The following CACNA2D4 variants were observed in gnomAD, a reference collection of about 807,000 sequenced individuals.
CACNA2D4 encodes the protein calcium voltage-gated channel auxiliary subunit alpha2delta 4, also known as voltage-dependent calcium channel subunit alpha-2/delta-4.
CACNA2D4 carries 157 observed loss-of-function variants against 163.8 expected under a neutral mutation model. The ratio of observed to expected loss-of-function variants is 0.96; its 90% CI spans 0.84 to 1.09. The LOEUF is 1.09. CACNA2D4 is among the 50% of genes least tolerant of loss of function. CACNA2D4 has a pLI of 0.00. For missense variants in CACNA2D4, 1,410 were observed against 1,479.9 expected, an observed-to-expected ratio of 0.95 and a Z score of 0.78; for synonymous variants, 598 against 586.9, an observed-to-expected ratio of 1.02 and a Z score of -0.27.
Position 1,799,605 on chromosome 12 carries a change from G to A in CACNA2D4, c.2995+70C>T. On this transcript the variant is annotated intron_variant, in intron 34 of 37. Coordinates refer to ENST00000382722, the MANE Select transcript of CACNA2D4 (RefSeq NM_172364.5). This position sits in a 1 kb window ranked among gnomAD's most constrained non-coding sequence, Gnocchi z 4.7. ...ATTCCTGGGACAGGTCATGGAGGGT[G>A]GGTTCTTTGTAGCTCCTGCTGCGTC... 1 of 1,494,150 alleles carries A rather than the reference G, an allele frequency of 6.7e-7. No homozygotes were observed. The highest frequency in any genetic ancestry group is 9.1e-7 in the Non-Finnish European group (1 of 1,095,024). 92.6% of individuals were successfully genotyped at this position (1,494,150 alleles called of 1,614,324 possible). A position where few individuals can be genotyped will look rare whatever the true frequency, so the allele number is the denominator to read the frequency against.
chr12:1,793,586 T>C lies in CACNA2D4; in HGVS notation c.*69A>G. 7 of 1,372,712 alleles carry C rather than the reference T, an allele frequency of 5.1e-6. No individual in the cohort carries two copies. Among genetic ancestry groups the C allele is most frequent in the Non-Finnish European group, 7.3e-6 (7 of 961,934 alleles). 85.0% of individuals were successfully genotyped at this position (1,372,712 alleles called of 1,614,324 possible). The stretch of plus-strand genomic sequence containing the variant: ...CAACTGCAGTTAGCTGCATCCCATG[T>C]CAGTGCTGACTTTTTGGGATGGCTC... On this transcript the variant is annotated 3_prime_UTR_variant, in exon 38 of 38. Coordinates refer to ENST00000382722, the MANE Select transcript of CACNA2D4 (RefSeq NM_172364.5).
At position 1,840,817 on chromosome 12, in the gene CACNA2D4, T is replaced by C. The variant is rs1276028711; in HGVS notation, c.2473A>G (p.Ser825Gly). The change falls in exon 26 of 38, where the codon AGT (serine) becomes GGT (glycine). Residue 825 changes from serine to glycine, a missense_variant and splice_region_variant. Coordinates refer to ENST00000382722, the MANE Select transcript of CACNA2D4 (RefSeq NM_172364.5). ...GTCACCACCATGGGTTCACCCGCAC[T>C]TTCTGGGGAAACAGAGACAACCCAG... is the stretch of plus-strand genomic sequence containing the variant. ...FNLRWAEGPE[S>G]AGEPMVVTAS... is the part of the protein sequence containing the mutation. 2.5e-6 allele frequency: 4 copies of C among 1,602,086 alleles called. No individual in the cohort carries two copies. The highest frequency in any genetic ancestry group is 3.4e-6 in the Non-Finnish European group (4 of 1,177,400).
chr12:1,836,951 G>A (rs938041628), intron 26 of CACNA2D4, among the ~76,000 whole-genome samples: 2 of 152,258 alleles, frequency 1.3e-5, no homozygotes, highest in African/African-American at 4.8e-5. Flanking sequence ...TCCTGGATCA[G>A]AGCCAGGCCC....
intron 37 of CACNA2D4, chr12:1,795,088 G>A (rs955889632): frequency 8.5e-6 from 5 of 587,666 alleles, no homozygotes; most frequent in African/African-American, 3.7e-5. Flanking sequence ...TTAGGAGCTT[G>A]CCAGGAATCA....
At chr12:1,908,895 T>A (rs1866742436) in intron 4 of CACNA2D4, among the ~76,000 whole-genome samples, 1 of 151,234 alleles carries the variant, frequency 6.6e-6, no homozygotes, top group Non-Finnish European at 1.5e-5. Flanking sequence ...GTCACGGACA[T>A]CCCCACGCCA....
Position 1,829,845 on chromosome 12 carries a change from G to C in CACNA2D4, c.2551+10894C>G, listed in dbSNP as rs1864540389. Among the ~76,000 whole-genome samples, 1 of 151,990 alleles carries C rather than the reference G, an allele frequency of 6.6e-6. No individual in the cohort carries two copies. Among genetic ancestry groups the C allele is most frequent in the Non-Finnish European group, 1.5e-5 (1 of 67,982 alleles). ...GACCTCGGCTGGGCTGACCTGGTGG[G>C]GCTGAACTATTTTGAATTCTTCCCA... On this transcript the variant is annotated intron_variant, in intron 26 of 37. Coordinates refer to ENST00000382722, the MANE Select transcript of CACNA2D4 (RefSeq NM_172364.5). The surrounding 1 kb of genome is among the most constrained non-coding windows in gnomAD (Gnocchi z 4.2).
At chr12:1,794,074 A>T (rs1011084736) in intron 37 of CACNA2D4, among the ~76,000 whole-genome samples, 1 of 152,100 alleles carries the variant, frequency 6.6e-6, no homozygotes, top group East Asian at 1.9e-4. Context: ...ACCAGACTGT[A>T]TGAAGCACCC....
intron 26 of CACNA2D4, among the ~76,000 whole-genome samples, chr12:1,818,037 A>G (rs1863940800): frequency 6.7e-6 from 1 of 149,460 alleles, no homozygotes; most frequent in Non-Finnish European, 1.5e-5. Context: ...CTAGGAAGTG[A>G]GGAGCGTCTC....
At chr12:1,859,889 C>T (rs1865485862) in intron 19 of CACNA2D4, among the ~76,000 whole-genome samples, 1 of 152,122 alleles carries the variant, frequency 6.6e-6, no homozygotes, top group Admixed American at 6.5e-5. Context: ...TGCCTGGGGC[C>T]CACAGGAGCA....
At chr12:1,858,250 G>C (rs1865442731) in intron 20 of CACNA2D4, among the ~76,000 whole-genome samples, 1 of 152,202 alleles carries the variant, frequency 6.6e-6, no homozygotes, top group Non-Finnish European at 1.5e-5. Context: ...TCACCTGGCA[G>C]GGAAATTTCA....
chr12:1,867,463 TTTA>T (rs1865677819), intron 18 of CACNA2D4, among the ~76,000 whole-genome samples: 2 of 152,176 alleles, frequency 1.3e-5, no homozygotes, highest in Non-Finnish European at 2.9e-5. Flanking sequence ...TCACTGTCCC[TTTA>T]TTCTACAACC....
chr12:1,834,489 C>A lies in CACNA2D4; in HGVS notation c.2551+6250G>T. The A allele has an allele frequency of 1.9e-6, 3 of 1,609,596 alleles. No individual in the cohort carries two copies. The highest frequency in any genetic ancestry group is 1.1e-5 in the South Asian group (1 of 91,062). On this transcript the variant is annotated intron_variant, in intron 26 of 37. Coordinates refer to ENST00000382722, the MANE Select transcript of CACNA2D4 (RefSeq NM_172364.5). The surrounding 1 kb of genome is among the most constrained non-coding windows in gnomAD (Gnocchi z 7.6). ...GAGCCGGAGCCCAGCACAGCCTGCC[C>A]ACAGAAGCAGAGGCACCGGCCGGCG...
intron 23 of CACNA2D4, among the ~76,000 whole-genome samples, chr12:1,849,936 A>G (rs943300437): frequency 2.6e-5 from 4 of 152,212 alleles, no homozygotes; most frequent in African/African-American, 9.6e-5. Flanking sequence ...GAATTCCATT[A>G]TGTGGATCCA....
chr12:1,795,891 G>A (rs1260394838), intron 35 of CACNA2D4, 111 bp from the exon 36 acceptor site: 8 of 751,862 alleles, frequency 1.1e-5, no homozygotes, highest in Non-Finnish European at 1.4e-5. Context: ...AGGGAAGCCC[G>A]GAACCATGAG....
At position 1,844,316 on chromosome 12, in the gene CACNA2D4, C is replaced by T; in HGVS notation, c.2470+86G>A. ...GGACATTCTATTCCATATCTCGTTCCCATTTCCCACTAAGAGCACAGCAGG... is the reference window on the plus strand; with the variant it reads ...GGACATTCTATTCCATATCTCGTTCTCATTTCCCACTAAGAGCACAGCAGG... On this transcript the variant is annotated intron_variant, in intron 25 of 37. Transcript: ENST00000382722. This position sits in a 1 kb window ranked among gnomAD's most constrained non-coding sequence, Gnocchi z 4.2. The T allele has an allele frequency of 2.0e-6, 3 of 1,487,636 alleles. No individual in the cohort carries two copies. In the East Asian group the frequency reaches 7.0e-5, roughly 35 times the overall value. 92.2% of individuals were successfully genotyped at this position (1,487,636 alleles called of 1,614,324 possible).
At chr12:1,848,005 G>A (rs907764812) in intron 23 of CACNA2D4, among the ~76,000 whole-genome samples, 6 of 151,954 alleles carry the variant, frequency 3.9e-5, no homozygotes, top group East Asian at 1.9e-4. Flanking sequence ...GCATGGCAAC[G>A]GGTATCTCTT....
chr12:1,841,331 A>G (rs1378206568), intron 25 of CACNA2D4, among the ~76,000 whole-genome samples: 1 of 152,134 alleles, frequency 6.6e-6, no homozygotes, highest in African/African-American at 2.4e-5. Flanking sequence ...CCACTGCACA[A>G]CCGCTCTCCG....
rs368765416 is a variant in CACNA2D4 at position 1,846,599 on chromosome 12, G to A, written c.2337C>T (p.Ser779=). 1.1e-5 allele frequency: 17 copies of A among 1,594,692 alleles called. No individual in the cohort carries two copies. Among genetic ancestry groups the A allele is most frequent in the South Asian group, 1.1e-5 (1 of 88,308 alleles). ...SSLFVGSEKV[S]DRKFLTPEDE... is the part of the protein sequence containing the mutation. ...AGGTGGCCGGCCCAACCCACCTGTC[G>A]GAGACCTTCTCGGAGCCCACGAACA... The change falls in exon 24 of 38, where the codon TCC becomes TCT. Residue 779 remains serine (S), a synonymous_variant. Transcript: ENST00000382722.
In CACNA2D4 at chr12:1,795,681, C is replaced by G; in HGVS notation, c.3213G>C (p.Ala1071=). 1 of 1,609,098 alleles carries G rather than the reference C, an allele frequency of 6.2e-7. No individual in the cohort carries two copies. The highest frequency in any genetic ancestry group is 8.5e-7 in the Non-Finnish European group (1 of 1,175,702). Residue 1071 remains alanine (A), a synonymous_variant, in exon 36 of 38, where the codon GCG becomes GCC. Transcript: ENST00000382722. The stretch of plus-strand genomic sequence containing the variant: ...ATTGCAGGATATATTTGACTTCTGT[C>G]GCCTCCTGCAGCACTGGTGGGAAGA... ...CSIFPPVLQE[A]TEVKYNASVK...
Sources: allele counts gnomAD v4.1 joint callset (sites outside exome capture counted in the v4.1 genomes callset), GRCh38; gene constraint gnomAD v4.1.1; non-coding constraint Gnocchi (gnomAD v3.1); transcripts MANE v1.5; gene names NCBI Gene and HGNC (gene_info 2026-07-23, HGNC 2026-07-21).